The following RBMS1 variants were observed in gnomAD, a reference collection of about 807,000 sequenced individuals.
RBMS1 encodes RNA-binding motif, single-stranded-interacting protein 1.
A neutral mutation model predicts 62.3 loss-of-function variants in RBMS1; 17 were observed. That is an observed-to-expected ratio of 0.27 (90% CI 0.19 to 0.41). The LOEUF (loss-of-function observed/expected upper bound fraction) is 0.41, where lower values mean the gene tolerates loss of function less well. RBMS1 is among the 10% of genes least tolerant of loss of function. The pLI is 1.00. For missense variants in RBMS1, 334 were observed against 504.5 expected, an observed-to-expected ratio of 0.66 and a Z score of 3.24; for synonymous variants, 172 against 170.0, an observed-to-expected ratio of 1.01 and a Z score of -0.09.
chr2:160,331,806 C>T (rs1230630471), intron 2 of RBMS1, among the ~76,000 whole-genome samples: 1 of 152,132 alleles, frequency 6.6e-6, no homozygotes, highest in Non-Finnish European at 1.5e-5. Flanking sequence ...TAAAGCAGGC[C>T]TTTCCAAGAA....
chr2:160,349,447 A>T (rs1692364383), intron 2 of RBMS1, among the ~76,000 whole-genome samples: 1 of 152,044 alleles, frequency 6.6e-6, no homozygotes, highest in Admixed American at 6.6e-5. Context: ...GGGAGGATAA[A>T]GTTTGTTCTT....
chr2:160,356,131 C>T (rs1486536429), intron 2 of RBMS1, among the ~76,000 whole-genome samples: 2 of 152,084 alleles, frequency 1.3e-5, no homozygotes, highest in African/African-American at 2.4e-5. Context: ...CCCTCTCAGG[C>T]GCCTAGCAAA....
chr2:160,322,372 A>G (rs752079492), intron 2 of RBMS1, among the ~76,000 whole-genome samples: 9 of 152,256 alleles, frequency 5.9e-5, no homozygotes, highest in Non-Finnish European at 1.2e-4. Context: ...TTCCAAGCAC[A>G]GGACATTTTT....
intron 1 of RBMS1, among the ~76,000 whole-genome samples, chr2:160,429,659 CTT>C (rs1682807314): frequency 6.6e-6 from 1 of 152,048 alleles, no homozygotes; most frequent in African/African-American, 2.4e-5. Context: ...TTAAAGGTAA[CTT>C]AATAATTTTA....
In RBMS1 at chr2:160,323,169, ATTTTT is replaced by A. The variant is rs200830921; in HGVS notation, c.252-4947_252-4943del. ...TCCCCTTGCTCCTATCTGTAGCTTAATTTTTTTTTTTTTTTTAAATCATCAGCCAG... is the reference window on the plus strand; with the variant it reads ...TCCCCTTGCTCCTATCTGTAGCTTAATTTTTTTTTTTAAATCATCAGCCAG... On this transcript the variant is annotated intron_variant, in intron 2 of 13. Coordinates refer to ENST00000348849, the MANE Select transcript of RBMS1 (RefSeq NM_016836.4). Among the ~76,000 whole-genome samples the A allele has an allele frequency of 1.1e-4, 16 of 147,842 alleles. No homozygotes were observed. In the South Asian group the frequency reaches 2.8e-3, roughly 26 times the overall value.
chr2:160,288,584 G>A (rs1481606488), intron 6 of RBMS1, among the ~76,000 whole-genome samples: 4 of 152,182 alleles, frequency 2.6e-5, no homozygotes, highest in Non-Finnish European at 5.9e-5. Context: ...TGGACTATGG[G>A]TATGACGAGT....
intron 1 of RBMS1, among the ~76,000 whole-genome samples, chr2:160,379,147 T>G (rs895212650): frequency 6.6e-6 from 1 of 151,910 alleles, no homozygotes; most frequent in Non-Finnish European, 1.5e-5. Context: ...TGAGCCCAGT[T>G]GGCAGAGGTT....
chr2:160,341,412 G>C (rs1691868202), intron 2 of RBMS1, among the ~76,000 whole-genome samples: 1 of 152,120 alleles, frequency 6.6e-6, no homozygotes. Flanking sequence ...TGGCAGAGGA[G>C]AGCCCTGAGT....
At chr2:160,281,598 G>C in intron 9 of RBMS1, 1 of 406,514 alleles carries the variant, frequency 2.5e-6, no homozygotes, top group Non-Finnish European at 4.4e-6. Flanking sequence ...AGTAATTGTT[G>C]AGTATCAGGC....
chr2:160,419,861 T>G (rs1306445785), intron 1 of RBMS1, among the ~76,000 whole-genome samples: 1 of 152,228 alleles, frequency 6.6e-6, no homozygotes, highest in East Asian at 1.9e-4. Context: ...GTCTGGATAG[T>G]ACAAAGGTTA....
chr2:160,436,235 T>C (rs908864638), intron 1 of RBMS1, among the ~76,000 whole-genome samples: 2 of 152,084 alleles, frequency 1.3e-5, no homozygotes, highest in Non-Finnish European at 2.9e-5. Context: ...GTAGTAGAGG[T>C]GATGCTGCTC....
intron 6 of RBMS1, among the ~76,000 whole-genome samples, chr2:160,293,611 A>C (rs1035381342): frequency 6.6e-6 from 1 of 152,190 alleles, no homozygotes; most frequent in African/African-American, 2.4e-5. Flanking sequence ...TCAGAAAGCG[A>C]GATGGGAAAT....
At chr2:160,477,786 T>C (rs1685204532) in intron 1 of RBMS1, among the ~76,000 whole-genome samples, 1 of 152,214 alleles carries the variant, frequency 6.6e-6, no homozygotes, top group Non-Finnish European at 1.5e-5. Flanking sequence ...TTTATATCTT[T>C]CCGATTGAAT....
At position 160,449,188 on chromosome 2, in the gene RBMS1, G is replaced by A. The variant is rs527437990; in HGVS notation, c.75+44101C>T. 7.3e-3 allele frequency among the ~76,000 whole-genome samples: 1,088 copies of A among 149,832 alleles called. 19 individuals are homozygous for A. The highest frequency in any genetic ancestry group is 0.026 in the African/African-American group (1,046 of 40,292). ...AGCGTCTCCGCCGGGCAGCCGCACC[G>A]TCCAGGAGGGAGGTGGGGGGCAGCC... On this transcript the variant is annotated intron_variant, in intron 1 of 13. Coordinates refer to ENST00000348849, the MANE Select transcript of RBMS1 (RefSeq NM_016836.4).
intron 1 of RBMS1, among the ~76,000 whole-genome samples, chr2:160,434,005 T>G (rs969092197): frequency 2.0e-5 from 3 of 152,174 alleles, no homozygotes; most frequent in Non-Finnish European, 2.9e-5. Flanking sequence ...TTTATGACCC[T>G]TTTGTTTAAA....
At chr2:160,480,265 GA>G (rs1425005318) in intron 1 of RBMS1, among the ~76,000 whole-genome samples, 2 of 152,054 alleles carry the variant, frequency 1.3e-5, no homozygotes, top group East Asian at 3.8e-4. Context: ...TAAACAAAGA[GA>G]ATAAAGAGTA....
intron 6 of RBMS1, among the ~76,000 whole-genome samples, chr2:160,289,437 G>T (rs912484665): frequency 2.6e-5 from 4 of 152,224 alleles, no homozygotes; most frequent in African/African-American, 4.8e-5. Flanking sequence ...CTGGCTGCTT[G>T]TTTCAGGGAA....
Position 160,428,816 on chromosome 2 carries a change from A to G in RBMS1, c.76-61425T>C, listed in dbSNP as rs186973314. ...GTGGGGATAAGAAAACTTAATTTACAAAGTCTGTAATAGCTGTTTTTCTAT... is the reference window on the plus strand; with the variant it reads ...GTGGGGATAAGAAAACTTAATTTACGAAGTCTGTAATAGCTGTTTTTCTAT... On this transcript the variant is annotated intron_variant, in intron 1 of 13. Transcript: ENST00000348849. 9.4e-4 allele frequency among the ~76,000 whole-genome samples: 143 copies of G among 152,338 alleles called. 3 individuals carry two copies. In the South Asian group the frequency reaches 0.019, roughly 20 times the overall value.
At chr2:160,280,297 A>T (rs962417547) in intron 10 of RBMS1, among the ~76,000 whole-genome samples, 1 of 152,180 alleles carries the variant, frequency 6.6e-6, no homozygotes, top group Non-Finnish European at 1.5e-5. Flanking sequence ...ACATGTATAG[A>T]TCTATATGTA....
Sources: allele counts gnomAD v4.1 joint callset (sites outside exome capture counted in the v4.1 genomes callset), GRCh38; gene constraint gnomAD v4.1.1; transcripts MANE v1.5; gene names NCBI Gene and HGNC (gene_info 2026-07-23, HGNC 2026-07-21).